ZFHX3: variants seen among roughly 807,000 people sequenced by gnomAD.
ZFHX3 encodes the protein zinc finger homeobox 3.
Under a neutral mutation model 279.1 loss-of-function variants are expected in ZFHX3, and 42 were observed. The ratio of observed to expected loss-of-function variants is 0.15; its 90% confidence interval spans 0.12 to 0.19. The LOEUF (loss-of-function observed/expected upper bound fraction) is 0.19, where lower values mean the gene tolerates loss of function less well. Among genes scored for constraint, ZFHX3 ranks in the 10% least tolerant of loss-of-function variants. The pLI, the probability that ZFHX3 is intolerant of heterozygous loss-of-function variation, is 1.00. For missense variants in ZFHX3, 4,981 were observed against 4,754.0 expected (o/e 1.05, Z -1.40); for synonymous variants, 2,293 against 1,957.8 (o/e 1.17, Z -4.52).
intron 3 of ZFHX3, among the ~76,000 whole-genome samples, chr16:72,925,537 T>A (rs1296444296): frequency 6.6e-6 from 1 of 152,234 alleles, no homozygotes; most frequent in Non-Finnish European, 1.5e-5. Flanking sequence ...CAAGGACAGG[T>A]GATCCTGATG....
intron 2 of ZFHX3, among the ~76,000 whole-genome samples, chr16:73,585,676 G>GA (rs1226537288): frequency 2.6e-5 from 4 of 152,156 alleles, no homozygotes; most frequent in Non-Finnish European, 5.9e-5. Context: ...CACAGGGAGT[G>GA]AAAACTATGT....
chr16:73,490,164 C>T (rs1224267462), intron 2 of ZFHX3, among the ~76,000 whole-genome samples: 1 of 152,198 alleles, frequency 6.6e-6, no homozygotes, highest in Non-Finnish European at 1.5e-5. Context: ...TCAGTAGACA[C>T]ACTGACAGTT....
intron 5 of ZFHX3, among the ~76,000 whole-genome samples, chr16:73,235,426 C>G (rs1007402575): frequency 4.6e-5 from 7 of 152,184 alleles, no homozygotes; most frequent in African/African-American, 1.7e-4. Flanking sequence ...AAACAAACTT[C>G]TTTCTTCCCA....
rs1028289736 is a variant in ZFHX3, at chr16:72,786,728, A to G, written c.*436T>C. 2.6e-5 allele frequency: 4 copies of G among 152,612 alleles called. No individual in the cohort carries two copies. Among genetic ancestry groups the G allele is most frequent in the African/African-American group, 9.7e-5 (4 of 41,430 alleles). 9.5% of individuals were successfully genotyped at this position (152,612 alleles called of 1,614,324 possible). A position where few individuals can be genotyped will look rare whatever the true frequency, so the allele number is the denominator to read the frequency against. On this transcript the variant is annotated 3_prime_UTR_variant, in exon 10 of 10. Coordinates refer to ENST00000268489, the MANE Select transcript of ZFHX3 (RefSeq NM_006885.4). ...GCCATTGGTATCTGAATGCTAAGAT[A>G]GCAAGAAATTTAAAACTGTAACAAG...
Position 73,303,612 on chromosome 16 carries a change from A to G in ZFHX3, c.-1194+14628T>C, listed in dbSNP as rs910665489. Reference sequence around the variant, plus strand: ...ATCTCTGGGTTTGAGTGAAGAATTAAAGCTATTATCTGTATAAGTCAAACC... The same window carrying G: ...ATCTCTGGGTTTGAGTGAAGAATTAGAGCTATTATCTGTATAAGTCAAACC... On this transcript the variant is annotated intron_variant, in intron 4 of 17. Coordinates refer to the ZFHX3 transcript ENST00000641206. Among the ~76,000 whole-genome samples, 3 of 152,218 alleles carry G rather than the reference A, an allele frequency of 2.0e-5. No individual in the cohort carries two copies. In the South Asian group the frequency reaches 6.2e-4, roughly 32 times the overall value.
chr16:73,381,775 A>G (rs146913412), intron 3 of ZFHX3, among the ~76,000 whole-genome samples: 2 of 152,368 alleles, frequency 1.3e-5, no homozygotes, highest in East Asian at 3.9e-4. Context: ...AAAATAAGTA[A>G]ATAAATAAAA....
intron 6 of ZFHX3, among the ~76,000 whole-genome samples, chr16:73,132,881 C>T (rs563164900): frequency 3.0e-4 from 45 of 152,346 alleles, no homozygotes; most frequent in African/African-American, 1.1e-3. Context: ...CTCTCCCTCT[C>T]GTCTTCGTCA....
chr16:72,958,184 C>A lies in ZFHX3; in HGVS notation c.1962G>T (p.Ser654=), dbSNP rs761002113. Residue 654 remains serine (S), a synonymous_variant, in exon 2 of 10, where the codon TCG becomes TCT. Transcript: ENST00000268489. ...KCDTVLGSSR[S]LGGHMTMMHS... ...GCATCATGGTCATGTGGCCGCCCAGCGAGCGGGAGGAGCCCAGGACCGTGT... is the reference window on the plus strand; with the variant it reads ...GCATCATGGTCATGTGGCCGCCCAGAGAGCGGGAGGAGCCCAGGACCGTGT... The A allele has an allele frequency of 6.2e-7, 1 of 1,613,386 alleles. No individual in the cohort carries two copies. Among genetic ancestry groups the A allele is most frequent in the Non-Finnish European group, 8.5e-7 (1 of 1,179,374 alleles).
Position 72,794,261 on chromosome 16 carries a change from C to T in ZFHX3, c.8421G>A (p.Val2807=). Residue 2807 remains valine, a synonymous_variant, in exon 9 of 10, where the codon GTG becomes GTA. Coordinates refer to ENST00000268489, the MANE Select transcript of ZFHX3 (RefSeq NM_006885.4). This position sits in a 1 kb window ranked among gnomAD's most constrained non-coding sequence, Gnocchi z 4.2. ...GGCTTTCAAAGTCTTCAATCCCTTC[C>T]ACCTTAATGGAGGAAGGGCTTAGAA... is the stretch of plus-strand genomic sequence containing the variant. ...RTLLSPSSIK[V]EGIEDFESPS... The T allele has an allele frequency of 1.2e-6, 2 of 1,614,170 alleles. No individual in the cohort carries two copies.
At chr16:73,338,129 C>A (rs1057505959) in intron 3 of ZFHX3, among the ~76,000 whole-genome samples, 1 of 152,162 alleles carries the variant, frequency 6.6e-6, no homozygotes, top group Non-Finnish European at 1.5e-5. Flanking sequence ...AGCATCAGAA[C>A]GTGCTGAAGA....
chr16:73,093,532 T>G (rs1416756664), exon 8 of ZFHX3: 1 of 508,542 alleles, frequency 2.0e-6, no homozygotes, highest in Admixed American at 2.0e-5. Context: ...ACTCTCGGGC[T>G]GTCACACAAG....
chr16:73,381,000 T>G (rs1243262285), intron 3 of ZFHX3, among the ~76,000 whole-genome samples: 2 of 152,342 alleles, frequency 1.3e-5, no homozygotes, highest in East Asian at 1.9e-4. Flanking sequence ...CCTATCTTCC[T>G]TAGAGTCTTC....
chr16:73,186,534 A>T (rs542080696), intron 5 of ZFHX3, among the ~76,000 whole-genome samples: 2 of 151,490 alleles, frequency 1.3e-5, no homozygotes, highest in African/African-American at 4.9e-5. Context: ...ATACCAGCCA[A>T]TTCCCTAGTT....
At chr16:73,058,036 C>T (rs986997839) in intron 1 of ZFHX3, among the ~76,000 whole-genome samples, 1 of 145,344 alleles carries the variant, frequency 6.9e-6, no homozygotes, top group East Asian at 2.0e-4. Flanking sequence ...CCCCCATACT[C>T]CCCCCACCGC....
At chr16:72,952,641 G>A (rs1961051507) in intron 2 of ZFHX3, among the ~76,000 whole-genome samples, 2 of 152,196 alleles carry the variant, frequency 1.3e-5, no homozygotes, top group South Asian at 2.1e-4. Context: ...AGTGAGACAC[G>A]AGGCTCAGCT....
At chr16:73,766,834 A>C (rs954060889) in intron 1 of ZFHX3, among the ~76,000 whole-genome samples, 7 of 152,146 alleles carry the variant, frequency 4.6e-5, no homozygotes, top group Non-Finnish European at 1.0e-4. Flanking sequence ...ATCTGAGAAA[A>C]GTGACTTAAT....
At chr16:72,826,309 TCA>T in intron 5 of ZFHX3, among the ~76,000 whole-genome samples, 1 of 152,100 alleles carries the variant, frequency 6.6e-6, no homozygotes, top group African/African-American at 2.4e-5. Context: ...AACTACAAAA[TCA>T]GTAGCTGAGA....
chr16:73,028,648 T>C (rs1009678078), intron 1 of ZFHX3, among the ~76,000 whole-genome samples: 1 of 152,128 alleles, frequency 6.6e-6, no homozygotes, highest in South Asian at 2.1e-4. Context: ...CTCGGAGGGA[T>C]TCTCAAGCTC....
chr16:73,544,758 G>C (rs1296889322), intron 2 of ZFHX3, among the ~76,000 whole-genome samples: 2 of 152,136 alleles, frequency 1.3e-5, no homozygotes. Flanking sequence ...AGGTGTGGGA[G>C]AGAAGCGAGG....
Sources: allele counts gnomAD v4.1 joint callset (sites outside exome capture counted in the v4.1 genomes callset), GRCh38; gene constraint gnomAD v4.1.1; non-coding constraint Gnocchi (gnomAD v3.1); transcripts MANE v1.5; gene names NCBI Gene and HGNC (gene_info 2026-07-23, HGNC 2026-07-21).